MORC1: variants seen among roughly 807,000 people sequenced by gnomAD.
MORC1 encodes the protein MORC family CW-type zinc finger 1.
In MORC1, 59 loss-of-function variants were observed where a neutral mutation model predicts 134.9. That is an observed-to-expected ratio of 0.44 (90% CI 0.35 to 0.54). MORC1 has a LOEUF of 0.54. Among genes scored for constraint, MORC1 ranks in the 20% least tolerant of loss-of-function variants. MORC1 has a pLI of 0.00. For missense variants in MORC1, 947 were observed against 1,134.5 expected (o/e 0.83, Z 2.37); for synonymous variants, 395 against 391.7 (o/e 1.01, Z -0.10).
chr3:109,116,641 A>G (rs1048165171), intron 1 of MORC1, among the ~76,000 whole-genome samples: 1 of 152,116 alleles, frequency 6.6e-6, no homozygotes, highest in African/African-American at 2.4e-5. Flanking sequence ...TTAGCCGGGC[A>G]TAGGGGTGCA....
intron 12 of MORC1, among the ~76,000 whole-genome samples, chr3:109,058,825 T>TA (rs5851638): frequency 2.6e-5 from 4 of 151,746 alleles, no homozygotes; most frequent in African/African-American, 9.7e-5. Context: ...ATTCTTCTAT[T>TA]AAAAAAAACC....
chr3:109,049,598 T>C (rs1949773794), intron 14 of MORC1, among the ~76,000 whole-genome samples: 1 of 152,182 alleles, frequency 6.6e-6, no homozygotes, highest in African/African-American at 2.4e-5. Context: ...CGATAAACTT[T>C]ACGAGGGATA....
intron 26 of MORC1, among the ~76,000 whole-genome samples, chr3:108,968,987 G>A (rs946601107): frequency 1.3e-5 from 2 of 151,670 alleles, no homozygotes; most frequent in Non-Finnish European, 2.9e-5. Flanking sequence ...GTAAAATAAG[G>A]GATTTGAGGA....
chr3:109,057,026 G>A (rs146813488), intron 13 of MORC1, among the ~76,000 whole-genome samples: 27 of 152,252 alleles, frequency 1.8e-4, no homozygotes, highest in Non-Finnish European at 3.5e-4. Flanking sequence ...TATTTAATAA[G>A]CTCGTATTAT....
intron 17 of MORC1, among the ~76,000 whole-genome samples, chr3:109,024,484 T>C (rs1434940556): frequency 6.6e-6 from 1 of 152,230 alleles, no homozygotes; most frequent in Admixed American, 6.5e-5. Context: ...AATCATTAGA[T>C]ACCCATAGAA....
In MORC1 at chr3:108,978,910, T is replaced by C. The variant is rs532662119; in HGVS notation, c.2477+605A>G. On this transcript the variant is annotated intron_variant, in intron 24 of 27. Coordinates refer to ENST00000232603, the MANE Select transcript of MORC1 (RefSeq NM_014429.4). ...GTGCTACCAGCCCCACCTCCCACCC[T>C]CCCATATGGCACCTATTTTAGAGCA... is the stretch of plus-strand genomic sequence containing the variant. Among the ~76,000 whole-genome samples, 6 of 151,996 alleles carry C rather than the reference T, an allele frequency of 3.9e-5. No individual in the cohort carries two copies. The South Asian group carries it at 1.2e-3, about 32-fold the overall frequency.
In MORC1 at chr3:109,066,325, G is replaced by A. The variant is rs111424886; in HGVS notation, c.816-3094C>T. Reference sequence around the variant, plus strand: ...TTCTGAGACAGAGTTTCACTCAGTCGCCCAGGCTGGAGTGCAGTGGCATGA... The same window carrying A: ...TTCTGAGACAGAGTTTCACTCAGTCACCCAGGCTGGAGTGCAGTGGCATGA... On this transcript the variant is annotated intron_variant, in intron 9 of 27. Transcript: ENST00000232603. Among the ~76,000 whole-genome samples, 324 of 148,532 alleles carry A rather than the reference G, an allele frequency of 2.2e-3. 2 individuals carry two copies. The highest frequency in any genetic ancestry group is 7.0e-3 in the African/African-American group (282 of 40,218).
In MORC1 at chr3:109,081,859, G is replaced by C. The variant is rs530762590; in HGVS notation, c.689+11577C>G. On this transcript the variant is annotated intron_variant, in intron 8 of 27. Transcript: ENST00000232603. ...ACAGTTTCTATACCAGAAAAAGTGAGAGCAAGGTGAACAACCAGCTTCCCC... is the reference window on the plus strand; with the variant it reads ...ACAGTTTCTATACCAGAAAAAGTGACAGCAAGGTGAACAACCAGCTTCCCC... Among the ~76,000 whole-genome samples, 36 of 152,266 alleles carry C rather than the reference G, an allele frequency of 2.4e-4. No individual in the cohort carries two copies. In the South Asian group the frequency reaches 7.0e-3, roughly 30 times the overall value.
chr3:109,046,900 T>C (rs956682305), intron 14 of MORC1, among the ~76,000 whole-genome samples: 3 of 152,190 alleles, frequency 2.0e-5, no homozygotes, highest in Admixed American at 6.5e-5. Flanking sequence ...GTACTTTTTT[T>C]TCTTCAAAGA....
intron 16 of MORC1, among the ~76,000 whole-genome samples, chr3:109,029,727 A>AC (rs1949193167): frequency 6.6e-6 from 1 of 152,292 alleles, no homozygotes; most frequent in South Asian, 2.1e-4. Flanking sequence ...GCTCCACCTT[A>AC]CCCTCTCCGG....
chr3:108,970,002 G>A (rs1016060027), intron 25 of MORC1, among the ~76,000 whole-genome samples: 4 of 152,160 alleles, frequency 2.6e-5, no homozygotes, highest in African/African-American at 2.4e-5. Flanking sequence ...AAAATTAAGC[G>A]ATAAAATAAT....
intron 8 of MORC1, among the ~76,000 whole-genome samples, chr3:109,073,688 C>T (rs1215146516): frequency 6.6e-6 from 1 of 152,086 alleles, no homozygotes; most frequent in East Asian, 1.9e-4. Context: ...TATTTTTATT[C>T]GTGAAAATAT....
chr3:109,019,277 CCTT>C lies in MORC1; in HGVS notation c.1704+8471_1704+8473del, dbSNP rs537629516. Among the ~76,000 whole-genome samples, 115 of 152,306 alleles carry C rather than the reference CCTT, an allele frequency of 7.6e-4. No homozygotes were observed. The Middle Eastern group carries it at 0.014, about 18-fold the overall frequency. ...CCACCACATCCTGCTGCTTGCATCT[CCTT>C]CTTCAAAGAGCTCGTAAGCATTGCC... On this transcript the variant is annotated intron_variant, in intron 17 of 27. Coordinates refer to ENST00000232603, the MANE Select transcript of MORC1 (RefSeq NM_014429.4).
intron 8 of MORC1, among the ~76,000 whole-genome samples, chr3:109,080,101 A>T (rs976483412): frequency 6.6e-6 from 1 of 152,158 alleles, no homozygotes; most frequent in Non-Finnish European, 1.5e-5. Flanking sequence ...GTGAGGCTAA[A>T]TTCCTTTCCC....
chr3:109,022,547 T>C (rs1948983986), intron 17 of MORC1, among the ~76,000 whole-genome samples: 1 of 152,210 alleles, frequency 6.6e-6, no homozygotes, highest in Non-Finnish European at 1.5e-5. Context: ...GTCTTATAAA[T>C]GCTATATATT....
chr3:108,982,326 T>G (rs1018013178), intron 23 of MORC1, among the ~76,000 whole-genome samples: 1 of 152,148 alleles, frequency 6.6e-6, no homozygotes, highest in Admixed American at 6.5e-5. Flanking sequence ...GTTCAACTAT[T>G]GTGGAAGACA....
At chr3:108,973,573 GT>G (rs1947452613) in intron 24 of MORC1, among the ~76,000 whole-genome samples, 1 of 139,938 alleles carries the variant, frequency 7.1e-6, no homozygotes, top group Non-Finnish European at 1.6e-5. Context: ...TTTTTTGTTC[GT>G]TTTTTGTTTG....
intron 13 of MORC1, 114 bp from the exon 14 acceptor site, chr3:109,054,996 T>C: frequency 1.1e-6 from 1 of 951,778 alleles, no homozygotes; most frequent in Non-Finnish European, 1.6e-6. Flanking sequence ...ATTCTGTTGA[T>C]CTGGACCATG....
chr3:108,964,122 C>G (rs1947155021), intron 26 of MORC1, among the ~76,000 whole-genome samples: 1 of 152,196 alleles, frequency 6.6e-6, no homozygotes, highest in East Asian at 1.9e-4. Context: ...TGTTCTCACT[C>G]TCTTCGGGTT....
Sources: gnomAD v4.1 joint callset for allele counts (sites outside exome capture counted in the v4.1 genomes callset) on GRCh38, gnomAD v4.1.1 for gene constraint, MANE v1.5 for transcripts, NCBI Gene and HGNC (gene_info 2026-07-23, HGNC 2026-07-21) for gene names.